Variants in CD247 observed in about 807,000 individuals in gnomAD.
CD247 encodes the protein CD247 molecule.
CD247 carries 13 observed loss-of-function variants against 30.0 expected under a neutral mutation model. The ratio of observed to expected loss-of-function variants is 0.43; its 90% CI spans 0.28 to 0.69. The LOEUF is 0.69. CD247 is among the 30% of genes least tolerant of loss of function. The pLI, the probability that CD247 is intolerant of heterozygous loss-of-function variation, is 0.16. For missense variants in CD247, 193 were observed against 212.6 expected (o/e 0.91, Z 0.57); for synonymous variants, 72 against 80.0 (o/e 0.90, Z 0.53).
rs762084785 is a variant in CD247 at position 167,517,063 on chromosome 1, G to A, written c.58+1345C>T. 5.3e-5 allele frequency among the ~76,000 whole-genome samples: 8 copies of A among 152,304 alleles called. 1 individual carries two copies. In the South Asian group the frequency reaches 6.2e-4, roughly 12 times the overall value. The stretch of plus-strand genomic sequence containing the variant: ...TCCCCTGAAGTCACTAAATTCCAGC[G>A]TTCTGGGTCCCCTTGTCCCCAGCAC... On this transcript the variant is annotated intron_variant, in intron 1 of 7. Transcript: ENST00000362089.
intron 1 of CD247, among the ~76,000 whole-genome samples, chr1:167,472,602 G>T (rs1271425161): frequency 1.3e-5 from 2 of 152,194 alleles, no homozygotes; most frequent in Non-Finnish European, 2.9e-5. Context: ...ATAGCTGGGT[G>T]AGGGAGGGTA....
intron 1 of CD247, among the ~76,000 whole-genome samples, chr1:167,463,055 G>C (rs1653092931): frequency 6.6e-6 from 1 of 152,204 alleles, no homozygotes; most frequent in Non-Finnish European, 1.5e-5. Flanking sequence ...GCTTGATCCA[G>C]CTCTCTCTGG....
chr1:167,503,130 C>CAGCT (rs2102101867), intron 1 of CD247, among the ~76,000 whole-genome samples: 1 of 152,318 alleles, frequency 6.6e-6, no homozygotes, highest in Admixed American at 6.5e-5. Context: ...AACTGTGGAA[C>CAGCT]AGCTACCTCA....
rs1256638068 is a variant in CD247 at position 167,488,155 on chromosome 1, AGAT to A, written c.58+30250_58+30252del. Among the ~76,000 whole-genome samples the A allele has an allele frequency of 7.9e-5, 12 of 152,242 alleles. 1 individual carries two copies. The highest frequency in any genetic ancestry group is 3.3e-4 in the Admixed American group (5 of 15,290). On this transcript the variant is annotated intron_variant, in intron 1 of 7. Coordinates refer to ENST00000362089, the MANE Select transcript of CD247 (RefSeq NM_198053.3). ...AAAAGGTTTGTTAAAGGCACAAATG[AGAT>A]GATAATATGAGCACTCTATTGTAAA...
At chr1:167,475,048 G>A (rs146054751) in intron 1 of CD247, among the ~76,000 whole-genome samples, 11 of 152,034 alleles carry the variant, frequency 7.2e-5, no homozygotes, top group East Asian at 1.9e-4. Flanking sequence ...CACCGCACCC[G>A]GCAAAACTGT....
chr1:167,482,557 G>T (rs1368081003), intron 1 of CD247, among the ~76,000 whole-genome samples: 6 of 152,186 alleles, frequency 3.9e-5, no homozygotes, highest in Non-Finnish European at 8.8e-5. Flanking sequence ...GCCCATGCTG[G>T]CTGGGGCCAA....
chr1:167,431,950 C>A (rs1029518005), intron 7 of CD247, among the ~76,000 whole-genome samples: 1 of 152,192 alleles, frequency 6.6e-6, no homozygotes, highest in Non-Finnish European at 1.5e-5. Context: ...CTGTGCCCTG[C>A]CGGGAATGGC....
intron 1 of CD247, among the ~76,000 whole-genome samples, chr1:167,502,151 C>G (rs983280230): frequency 6.6e-6 from 1 of 152,226 alleles, no homozygotes; most frequent in Non-Finnish European, 1.5e-5. Context: ...GAGAATGCCT[C>G]TGCAGTATGC....
intron 1 of CD247, among the ~76,000 whole-genome samples, chr1:167,505,549 C>T (rs1022537022): frequency 6.6e-6 from 1 of 152,254 alleles, no homozygotes; most frequent in Admixed American, 6.5e-5. Flanking sequence ...ATGAGTGCAG[C>T]TCATGTGGGG....
intron 1 of CD247, among the ~76,000 whole-genome samples, chr1:167,451,562 GTTGT>G (rs538187443): frequency 2.9e-4 from 44 of 152,262 alleles, no homozygotes; most frequent in Admixed American, 2.4e-3. Context: ...CCAGAAAGTG[GTTGT>G]TTGTCCTGAA....
At chr1:167,473,700 T>C (rs887014340) in intron 1 of CD247, among the ~76,000 whole-genome samples, 1 of 152,214 alleles carries the variant, frequency 6.6e-6, no homozygotes, top group Non-Finnish European at 1.5e-5. Context: ...GATGTGTGTC[T>C]GGTCAGGGTA....
intron 1 of CD247, among the ~76,000 whole-genome samples, chr1:167,486,839 C>T (rs1003999967): frequency 2.0e-5 from 3 of 152,290 alleles, no homozygotes; most frequent in South Asian, 4.1e-4. Flanking sequence ...TTTGGAAGAC[C>T]GAGGTGGGTG....
intron 1 of CD247, among the ~76,000 whole-genome samples, chr1:167,452,383 C>T (rs370238966): frequency 6.1e-5 from 9 of 147,230 alleles, no homozygotes; most frequent in Admixed American, 2.8e-4. Context: ...CACTGCACTC[C>T]AGCCTGGGCG....
chr1:167,469,548 C>T (rs1031275271), intron 1 of CD247, among the ~76,000 whole-genome samples: 1 of 152,182 alleles, frequency 6.6e-6, no homozygotes, highest in Non-Finnish European at 1.5e-5. Flanking sequence ...GGCATTGACT[C>T]TGCATTTTTT....
At chr1:167,462,465 G>T (rs538685348) in intron 1 of CD247, among the ~76,000 whole-genome samples, 1 of 152,224 alleles carries the variant, frequency 6.6e-6, no homozygotes. Flanking sequence ...TCACAACCCA[G>T]GTTGGGGACC....
At chr1:167,458,689 C>CTTTCTTTCTTTTT (rs1553231431) in intron 1 of CD247, 1 of 95,426 alleles carries the variant, frequency 1.0e-5, no homozygotes, top group African/African-American at 4.7e-5. Flanking sequence ...TTCTTTCTTT[C>CTTTCTTTCTTTTT]TTTTTTTTTT....
intron 1 of CD247, among the ~76,000 whole-genome samples, chr1:167,472,431 C>T (rs1480324038): frequency 6.6e-6 from 1 of 152,110 alleles, no homozygotes. Flanking sequence ...ATGCCTATGG[C>T]CAAATGTGTT....
Position 167,511,058 on chromosome 1 carries a change from C to T in CD247, c.58+7350G>A, listed in dbSNP as rs548346030. The stretch of plus-strand genomic sequence containing the variant: ...GCACAAGGATTTGCACTACCTGCAC[C>T]GAGCCTGCAGGTGAACCCCAGGCTA... On this transcript the variant is annotated intron_variant, in intron 1 of 7. Coordinates refer to ENST00000362089, the MANE Select transcript of CD247 (RefSeq NM_198053.3). Among the ~76,000 whole-genome samples the T allele has an allele frequency of 1.7e-3, 264 of 152,262 alleles. 1 individual carries two copies. The highest frequency in any genetic ancestry group is 6.0e-3 in the African/African-American group (248 of 41,544).
intron 1 of CD247, among the ~76,000 whole-genome samples, chr1:167,505,822 T>C (rs1183212235): frequency 6.6e-6 from 1 of 152,238 alleles, no homozygotes; most frequent in African/African-American, 2.4e-5. Context: ...ATCCCCTTCA[T>C]GGACAGGATG....
Sources: gnomAD v4.1 joint callset for allele counts (sites outside exome capture counted in the v4.1 genomes callset) on GRCh38, gnomAD v4.1.1 for gene constraint, MANE v1.5 for transcripts, NCBI Gene and HGNC (gene_info 2026-07-23, HGNC 2026-07-21) for gene names.